The following NUDT13 variants were observed in gnomAD, a reference collection of about 807,000 sequenced individuals.
The protein encoded by NUDT13 is NAD(P)H pyrophosphatase NUDT13, mitochondrial.
In NUDT13, 40 loss-of-function variants were observed where a neutral mutation model predicts 41.7. That is an observed-to-expected ratio of 0.96 (90% CI 0.75 to 1.25). The LOEUF (loss-of-function observed/expected upper bound fraction) is 1.25, where lower values mean the gene tolerates loss of function less well. Among genes scored for constraint, NUDT13 ranks in the 50% most tolerant of loss-of-function variants. NUDT13 has a pLI of 0.00. For synonymous variants in NUDT13, 145 were observed against 155.5 expected (o/e 0.93, Z 0.50); for missense variants, 390 against 416.1 (o/e 0.94, Z 0.55).
At chr10:73,111,369 GTTTTGTTTTGTTT>G (rs1842363959) in intron 1 of NUDT13, among the ~76,000 whole-genome samples, 1 of 151,270 alleles carries the variant, frequency 6.6e-6, no homozygotes, top group African/African-American at 2.4e-5. Flanking sequence ...GTTTTGTCTT[GTTTTGTTTTGTTT>G]TTTTGTTTTG....
At position 73,110,548 on chromosome 10, in the gene NUDT13, T is replaced by C. The variant is rs894939805; in HGVS notation, c.-29T>C. The stretch of plus-strand genomic sequence containing the variant: ...TGCTGATTCCTGAGGACTAGGAAGG[T>C]GCCCCGAAAAGAATTCAGAGTGAGT... On this transcript the variant is annotated 5_prime_UTR_variant, in exon 1 of 9. Coordinates refer to ENST00000357321, the MANE Select transcript of NUDT13 (RefSeq NM_015901.6). 5.3e-5 allele frequency: 8 copies of C among 152,154 alleles called. No homozygotes were observed. Among genetic ancestry groups the C allele is most frequent in the Admixed American group, 3.9e-4 (6 of 15,274 alleles). The allele number at this position is 152,154 out of a possible 1,614,324, so 9.4% of individuals were successfully genotyped here. A position where few individuals can be genotyped will look rare whatever the true frequency, so the allele number is the denominator to read the frequency against.
intron 2 of NUDT13, 101 bp downstream of exon 2, chr10:73,114,549 T>C: frequency 1.8e-5 from 6 of 341,738 alleles, no homozygotes; most frequent in Non-Finnish European, 3.1e-5. Flanking sequence ...GATTATTATA[T>C]ATACATTATA....
At chr10:73,116,541 C>T (rs1009525366) in intron 2 of NUDT13, among the ~76,000 whole-genome samples, 1 of 151,980 alleles carries the variant, frequency 6.6e-6, no homozygotes, top group African/African-American at 2.4e-5. Context: ...GTCAGGAGTT[C>T]GAGACCAGCT....
At chr10:73,112,966 C>A (rs561735591) in intron 1 of NUDT13, among the ~76,000 whole-genome samples, 82 of 152,306 alleles carry the variant, frequency 5.4e-4, no homozygotes, top group Admixed American at 5.2e-4. Flanking sequence ...CTGCTCACTG[C>A]AACCTCTGCC....
chr10:73,126,124 C>T, intron 7 of NUDT13: 1 of 271,364 alleles, frequency 3.7e-6, no homozygotes, highest in Non-Finnish European at 7.3e-6. Flanking sequence ...CTTTGTGCCT[C>T]TCATCACATT....
chr10:73,116,164 T>G (rs774323319), intron 2 of NUDT13, among the ~76,000 whole-genome samples: 19 of 151,966 alleles, frequency 1.3e-4, no homozygotes, highest in Non-Finnish European at 2.4e-4. Flanking sequence ...TACACCACCA[T>G]GCCTGGCTAA....
chr10:73,130,931 T>A lies in NUDT13; in HGVS notation c.*28T>A, dbSNP rs756623261. ...CGGATCAAGTCACTTAGATCGCTCCTTGGTATTCCTGAGGGACAAACTAGA... is the reference window on the plus strand; with the variant it reads ...CGGATCAAGTCACTTAGATCGCTCCATGGTATTCCTGAGGGACAAACTAGA... On this transcript the variant is annotated 3_prime_UTR_variant, in exon 9 of 9. Coordinates refer to ENST00000357321, the MANE Select transcript of NUDT13 (RefSeq NM_015901.6). The A allele has an allele frequency of 1.3e-6, 2 of 1,580,790 alleles. No individual in the cohort carries two copies. Among genetic ancestry groups the A allele is most frequent in the Non-Finnish European group, 1.7e-6 (2 of 1,151,510 alleles).
rs191393503 is a variant in NUDT13, at chr10:73,126,486, A to G, written c.704-187A>G. ...ACTTACTTTAGACCTAGCAGACTTAAGCACTGTGGTTCAACACACAGCTCT... is the reference window on the plus strand; with the variant it reads ...ACTTACTTTAGACCTAGCAGACTTAGGCACTGTGGTTCAACACACAGCTCT... On this transcript the variant is annotated intron_variant, in intron 7 of 8. Coordinates refer to ENST00000357321, the MANE Select transcript of NUDT13 (RefSeq NM_015901.6). The G allele has an allele frequency of 2.0e-4, 104 of 525,788 alleles. 1 individual carries two copies. Among genetic ancestry groups the G allele is most frequent in the African/African-American group, 1.9e-3 (98 of 52,538 alleles). 32.6% of individuals were successfully genotyped at this position (525,788 alleles called of 1,614,324 possible). A position where few individuals can be genotyped will look rare whatever the true frequency, so the allele number is the denominator to read the frequency against.
In NUDT13 at chr10:73,120,015, C is replaced by T; in HGVS notation, c.84-3C>T. The T allele has an allele frequency of 6.2e-7, 1 of 1,613,726 alleles. No homozygotes were observed. Among genetic ancestry groups the T allele is most frequent in the Non-Finnish European group, 8.5e-7 (1 of 1,179,678 alleles). On this transcript the variant is annotated splice_region_variant and splice_polypyrimidine_tract_variant and intron_variant, in intron 2 of 8. Coordinates refer to ENST00000357321, the MANE Select transcript of NUDT13 (RefSeq NM_015901.6). Reference sequence around the variant, plus strand: ...TAATGGTTTGATTATTTCCCAAATACAGGTATTTATTTGAACTGAAGGAAG... The same window carrying T: ...TAATGGTTTGATTATTTCCCAAATATAGGTATTTATTTGAACTGAAGGAAG...
chr10:73,131,431 C>A lies in NUDT13; in HGVS notation c.*528C>A, dbSNP rs2894215. Reference sequence around the variant, plus strand: ...GGTGCATTCTAGTTACATGAACATGCTAGTTAAATAAAAGTCACAATTAAG... The same window carrying A: ...GGTGCATTCTAGTTACATGAACATGATAGTTAAATAAAAGTCACAATTAAG... On this transcript the variant is annotated 3_prime_UTR_variant, in exon 9 of 9. Transcript: ENST00000357321. The A allele has an allele frequency of 6.3e-6, 1 of 157,676 alleles. No individual in the cohort carries two copies. The highest frequency in any genetic ancestry group is 1.4e-5 in the Non-Finnish European group (1 of 70,916). 9.8% of individuals were successfully genotyped at this position (157,676 alleles called of 1,614,324 possible). A position where few individuals can be genotyped will look rare whatever the true frequency, so the allele number is the denominator to read the frequency against.
intron 4 of NUDT13, 90 bp from the exon 5 acceptor site, chr10:73,124,124 G>T (rs554537370): frequency 1.0e-4 from 89 of 882,018 alleles, no homozygotes; most frequent in Non-Finnish European, 1.6e-4. Flanking sequence ...GGCAAGTTTG[G>T]GAAACACTAT....
chr10:73,119,364 A>G (rs1842587186), intron 2 of NUDT13: 1 of 297,208 alleles, frequency 3.4e-6, no homozygotes, highest in Non-Finnish European at 5.0e-6. Flanking sequence ...TTTGCTAGAG[A>G]TAAGGAGTTA....
chr10:73,111,270 G>A (rs1480986184), intron 1 of NUDT13, among the ~76,000 whole-genome samples: 2 of 152,014 alleles, frequency 1.3e-5, no homozygotes, highest in African/African-American at 4.8e-5. Flanking sequence ...GAGCCACCGC[G>A]CCCGGCCTAA....
At chr10:73,127,294 G>A (rs777590209) in intron 8 of NUDT13, among the ~76,000 whole-genome samples, 6 of 151,906 alleles carry the variant, frequency 3.9e-5, no homozygotes, top group East Asian at 1.9e-4. Context: ...CAGGAGAATC[G>A]CTTGAACCTG....
intron 5 of NUDT13, 160 bp from the exon 6 acceptor site, chr10:73,124,958 T>C (rs1401486250): frequency 8.0e-5 from 55 of 689,168 alleles, no homozygotes; most frequent in Non-Finnish European, 1.2e-4. Context: ...GTTCAGTTAG[T>C]TTACTTGTCC....
At chr10:73,118,021 G>T (rs1842557095) in intron 2 of NUDT13, among the ~76,000 whole-genome samples, 1 of 152,160 alleles carries the variant, frequency 6.6e-6, no homozygotes, top group African/African-American at 2.4e-5. Context: ...ACCTTAACCT[G>T]GGTGTTTTTG....
chr10:73,116,876 A>ATTTTTTTTTTTTT (rs56229464), intron 2 of NUDT13, among the ~76,000 whole-genome samples: 1 of 81,834 alleles, frequency 1.2e-5, no homozygotes, highest in African/African-American at 4.9e-5. Context: ...GACTACAAGA[A>ATTTTTTTTTTTTT]TTTTTTTTTT....
chr10:73,122,372 A>T, intron 4 of NUDT13, 63 bp downstream of exon 4: 1 of 1,472,880 alleles, frequency 6.8e-7, no homozygotes, highest in Non-Finnish European at 9.1e-7. Context: ...ATTTCACATA[A>T]TGGTAAAATT....
chr10:73,125,314 G>A (rs909374938), intron 6 of NUDT13, 71 bp downstream of exon 6: 2 of 1,602,086 alleles, frequency 1.2e-6, no homozygotes, highest in African/African-American at 1.3e-5. Flanking sequence ...AAGGAAGCCT[G>A]TGCAATTCCT....
Sources: gnomAD v4.1 joint callset for allele counts (sites outside exome capture counted in the v4.1 genomes callset) on GRCh38, gnomAD v4.1.1 for gene constraint, MANE v1.5 for transcripts, NCBI Gene and HGNC (gene_info 2026-07-23, HGNC 2026-07-21) for gene names.